The following CFAP20DC variants were observed in gnomAD, a reference collection of about 807,000 sequenced individuals.
The protein encoded by CFAP20DC is protein CFAP20DC.
A neutral mutation model predicts 101.7 loss-of-function variants in CFAP20DC; 84 were observed. The observed-to-expected ratio is 0.83, with a 90% confidence interval of 0.69 to 0.99. CFAP20DC has a LOEUF of 0.99. Ranked by LOEUF, CFAP20DC falls within the 50% of genes least tolerant of loss-of-function variation. CFAP20DC has a pLI of 0.00. For synonymous variants in CFAP20DC, 359 were observed against 351.2 expected (o/e 1.02, Z -0.25); for missense variants, 1,007 against 970.3 (o/e 1.04, Z -0.50).
At chr3:58,932,530 C>T (rs1292248159) in intron 5 of CFAP20DC, among the ~76,000 whole-genome samples, 1 of 152,048 alleles carries the variant, frequency 6.6e-6, no homozygotes, top group Non-Finnish European at 1.5e-5. Context: ...AGAGAAAGGT[C>T]GCATTACCTA....
chr3:59,033,440 C>T (rs1254344084), intron 4 of CFAP20DC, among the ~76,000 whole-genome samples: 7 of 152,062 alleles, frequency 4.6e-5, no homozygotes, highest in Admixed American at 4.6e-4. Flanking sequence ...TGCAAGGAAG[C>T]TAAGAACCTT....
At chr3:58,777,303 G>C (rs377353384) in intron 15 of CFAP20DC, among the ~76,000 whole-genome samples, 41 of 152,270 alleles carry the variant, frequency 2.7e-4, no homozygotes, top group African/African-American at 9.4e-4. Context: ...CATCTTACAT[G>C]TACTGATTGA....
At chr3:58,855,192 T>C (rs1355079819) in intron 12 of CFAP20DC, among the ~76,000 whole-genome samples, 8 of 152,114 alleles carry the variant, frequency 5.3e-5, no homozygotes, top group African/African-American at 1.9e-4. Context: ...GAACAGACAC[T>C]TCTCAAAAGA....
At chr3:59,012,195 T>C (rs1164389325) in intron 4 of CFAP20DC, among the ~76,000 whole-genome samples, 1 of 151,926 alleles carries the variant, frequency 6.6e-6, no homozygotes, top group Non-Finnish European at 1.5e-5. Context: ...CTTGGAAGAG[T>C]CACGGAACGC....
chr3:58,996,058 A>G (rs2093121819), intron 4 of CFAP20DC, among the ~76,000 whole-genome samples: 1 of 151,646 alleles, frequency 6.6e-6, no homozygotes, highest in African/African-American at 2.4e-5. Flanking sequence ...CCAGATTAAT[A>G]TAATTACTAA....
At chr3:58,782,743 A>T (rs1367581133) in intron 15 of CFAP20DC, among the ~76,000 whole-genome samples, 1 of 152,118 alleles carries the variant, frequency 6.6e-6, no homozygotes, top group East Asian at 1.9e-4. Context: ...ACTACAAAAC[A>T]CTGATGAAAG....
chr3:58,880,957 T>C (rs976919888), intron 7 of CFAP20DC, among the ~76,000 whole-genome samples: 3 of 152,142 alleles, frequency 2.0e-5, no homozygotes. Flanking sequence ...AAGAAGAAAT[T>C]AAAGAGTGTC....
intron 4 of CFAP20DC, among the ~76,000 whole-genome samples, chr3:59,009,672 T>A (rs1434603224): frequency 3.9e-5 from 6 of 152,100 alleles, no homozygotes; most frequent in African/African-American, 7.2e-5. Context: ...GAGGAGGGCT[T>A]CCCTGGCCTT....
At chr3:59,043,188 A>C (rs1699546623) in intron 3 of CFAP20DC, among the ~76,000 whole-genome samples, 1 of 152,132 alleles carries the variant, frequency 6.6e-6, no homozygotes, top group Non-Finnish European at 1.5e-5. Context: ...GCTGATAACC[A>C]AGGGAGTAAG....
At chr3:58,917,893 C>A (rs1013697652) in intron 5 of CFAP20DC, among the ~76,000 whole-genome samples, 1 of 152,126 alleles carries the variant, frequency 6.6e-6, no homozygotes, top group South Asian at 2.1e-4. Flanking sequence ...AGCTGCCAGA[C>A]CTTGCTCTTG....
At chr3:59,004,976 T>C (rs1415136711) in intron 4 of CFAP20DC, among the ~76,000 whole-genome samples, 1 of 152,178 alleles carries the variant, frequency 6.6e-6, no homozygotes, top group Non-Finnish European at 1.5e-5. Flanking sequence ...TAGCCCTGAT[T>C]TTTTACCCCT....
rs1288392506 is a variant in CFAP20DC, at chr3:59,049,866, C to G, written c.-235G>C. 3.4e-6 allele frequency: 2 copies of G among 589,058 alleles called. No homozygotes were observed. The highest frequency in any genetic ancestry group is 6.0e-6 in the Non-Finnish European group (2 of 333,034). 36.5% of individuals were successfully genotyped at this position (589,058 alleles called of 1,614,324 possible). A position where few individuals can be genotyped will look rare whatever the true frequency, so the allele number is the denominator to read the frequency against. ...GCTCCAGCCTCCGCGGTGCCCGGGT[C>G]TGGGGAGGGCGCAGCTGCCTGGACG... On this transcript the variant is annotated 5_prime_UTR_variant, in exon 1 of 17. Transcript: ENST00000482387.
chr3:58,942,013 T>C (rs529338066), intron 4 of CFAP20DC, among the ~76,000 whole-genome samples: 9 of 152,350 alleles, frequency 5.9e-5, no homozygotes, highest in Middle Eastern at 3.4e-3. Context: ...TAGTTTACTT[T>C]ATCACACTGA....
At chr3:58,994,710 T>C (rs1331363468) in intron 4 of CFAP20DC, among the ~76,000 whole-genome samples, 1 of 152,088 alleles carries the variant, frequency 6.6e-6, no homozygotes, top group Non-Finnish European at 1.5e-5. Context: ...AAATGTTAGC[T>C]TTTAAAATGA....
At chr3:58,871,855 C>G (rs568306349) in intron 7 of CFAP20DC, among the ~76,000 whole-genome samples, 40 of 152,160 alleles carry the variant, frequency 2.6e-4, no homozygotes, top group African/African-American at 9.2e-4. Flanking sequence ...GGCTAATGAA[C>G]TGTGAGAAGT....
Position 59,030,390 on chromosome 3 carries a change from T to A in CFAP20DC, c.278+9167A>T, listed in dbSNP as rs1048664873. 6.6e-5 allele frequency among the ~76,000 whole-genome samples: 10 copies of A among 152,238 alleles called. No homozygotes were observed. In the East Asian group the frequency reaches 1.9e-3, roughly 29 times the overall value. Reference sequence around the variant, plus strand: ...TACTTCCTAAAACAGCACTATATTTTGATTGTCTATCAGTAACAAATTCAA... The same window carrying A: ...TACTTCCTAAAACAGCACTATATTTAGATTGTCTATCAGTAACAAATTCAA... On this transcript the variant is annotated intron_variant, in intron 4 of 16. Coordinates refer to ENST00000482387, the MANE Select transcript of CFAP20DC (RefSeq NM_001394063.1).
intron 5 of CFAP20DC, among the ~76,000 whole-genome samples, chr3:58,918,372 C>T (rs2084965479): frequency 2.6e-5 from 4 of 152,142 alleles, no homozygotes. Flanking sequence ...CCTGGTCATT[C>T]CTGTCACTCC....
In CFAP20DC at chr3:59,007,078, C is replaced by T. The variant is rs1196538930; in HGVS notation, c.278+32479G>A. Among the ~76,000 whole-genome samples, 1 of 152,162 alleles carries T rather than the reference C, an allele frequency of 6.6e-6. No individual in the cohort carries two copies. Among genetic ancestry groups the T allele is most frequent in the Non-Finnish European group, 1.5e-5 (1 of 68,034 alleles). ...GCCTTTTGCTACTGGATGTCACCCACTTCCCTGGCAAACTATACTGCACAG... is the reference window on the plus strand; with the variant it reads ...GCCTTTTGCTACTGGATGTCACCCATTTCCCTGGCAAACTATACTGCACAG... On this transcript the variant is annotated intron_variant, in intron 4 of 16. Transcript: ENST00000482387. This position sits in a 1 kb window ranked among gnomAD's most constrained non-coding sequence, Gnocchi z 4.4.
In CFAP20DC at chr3:58,874,911, G is replaced by A. The variant is rs2080611571; in HGVS notation, c.716-4602C>T. 6.6e-6 allele frequency among the ~76,000 whole-genome samples: 1 copy of A among 152,176 alleles called. No individual in the cohort carries two copies. The highest frequency in any genetic ancestry group is 1.5e-5 in the Non-Finnish European group (1 of 68,034). ...TAGGCACATAATAGTTCCTTGCTGA[G>A]CAAAATGAATGATTCATTAAATGAA... On this transcript the variant is annotated intron_variant, in intron 7 of 16. Coordinates refer to ENST00000482387, the MANE Select transcript of CFAP20DC (RefSeq NM_001394063.1). This position sits in a 1 kb window ranked among gnomAD's most constrained non-coding sequence, Gnocchi z 5.1.
Sources: gnomAD v4.1 joint callset for allele counts (sites outside exome capture counted in the v4.1 genomes callset) on GRCh38, gnomAD v4.1.1 for gene constraint, Gnocchi (gnomAD v3.1) non-coding constraint, MANE v1.5 for transcripts, NCBI Gene and HGNC (gene_info 2026-07-23, HGNC 2026-07-21) for gene names.